Variants in PTER observed in about 807,000 individuals in gnomAD.
The protein encoded by PTER is N-acetyltaurine hydrolase.
Under a neutral mutation model 29.6 loss-of-function variants are expected in PTER, and 38 were observed. That is an observed-to-expected ratio of 1.28 (90% confidence interval 0.99 to 1.68). The LOEUF is 1.68. PTER is among the 40% of genes most tolerant of loss of function. PTER has a pLI of 0.00. For missense variants in PTER, 482 were observed against 427.8 expected (o/e 1.13, Z -1.12); for synonymous variants, 172 against 154.5 (o/e 1.11, Z -0.84).
At chr10:16,505,798 C>T (rs1479474105) in intron 4 of PTER, among the ~76,000 whole-genome samples, 1 of 152,086 alleles carries the variant, frequency 6.6e-6, no homozygotes, top group Non-Finnish European at 1.5e-5. Context: ...AGTTAGAATA[C>T]CTAGGAGGAG....
intron 4 of PTER, among the ~76,000 whole-genome samples, chr10:16,508,568 A>T (rs936160678): frequency 6.6e-6 from 1 of 152,130 alleles, no homozygotes; most frequent in Non-Finnish European, 1.5e-5. Context: ...CAGATGACCG[A>T]TGGCTCCCCC....
intron 1 of PTER, among the ~76,000 whole-genome samples, chr10:16,454,804 A>G (rs949995296): frequency 3.9e-5 from 6 of 151,968 alleles, no homozygotes; most frequent in Non-Finnish European, 8.8e-5. Flanking sequence ...AGAACAATAA[A>G]TACTAATATA....
chr10:16,451,962 G>A (rs1241935035), intron 1 of PTER, among the ~76,000 whole-genome samples: 1 of 152,034 alleles, frequency 6.6e-6, no homozygotes, highest in Non-Finnish European at 1.5e-5. Context: ...CTTCCAGAGT[G>A]TTGGCTATGC....
chr10:16,438,723 T>G (rs1833745122), intron 1 of PTER, among the ~76,000 whole-genome samples: 1 of 150,168 alleles, frequency 6.7e-6, no homozygotes, highest in Non-Finnish European at 1.5e-5. Context: ...AGGCCAGGAG[T>G]TCGAGACCAG....
At position 16,512,349 on chromosome 10, in the gene PTER, C is replaced by A. The variant is rs1836847105; in HGVS notation, c.*1093C>A. The A allele has an allele frequency of 6.6e-6, 1 of 152,090 alleles. No individual in the cohort carries two copies. The highest frequency in any genetic ancestry group is 2.4e-5 in the African/African-American group (1 of 41,430). 9.4% of individuals were successfully genotyped at this position (152,090 alleles called of 1,614,324 possible). A position where few individuals can be genotyped will look rare whatever the true frequency, so the allele number is the denominator to read the frequency against. ...TGAATCCTCACTATGCTATTTGGTA[C>A]CTAAAAATATTCTCCAAACCCTTGC... On this transcript the variant is annotated 3_prime_UTR_variant, in exon 5 of 5. Transcript: ENST00000535784.
chr10:16,517,694 G>T (rs1047166960), downstream of PTER, among the ~76,000 whole-genome samples: 3 of 151,996 alleles, frequency 2.0e-5, no homozygotes, highest in Non-Finnish European at 4.4e-5. Context: ...GTCATTTTAG[G>T]GATATGTTTC....
intron 1 of PTER, among the ~76,000 whole-genome samples, chr10:16,454,333 G>A (rs769933268): frequency 6.6e-6 from 1 of 152,108 alleles, no homozygotes. Context: ...CCAACACTTT[G>A]GGAGGCTGAG....
intron 3 of PTER, among the ~76,000 whole-genome samples, chr10:16,503,055 C>A: frequency 7.6e-6 from 1 of 131,090 alleles, no homozygotes; most frequent in Non-Finnish European, 1.6e-5. Flanking sequence ...TTCATGGACA[C>A]ATGATAGTGC....
chr10:16,491,108 T>C (rs1266565158), intron 3 of PTER, among the ~76,000 whole-genome samples: 1 of 152,088 alleles, frequency 6.6e-6, no homozygotes, highest in African/African-American at 2.4e-5. Context: ...AATGGAAAGG[T>C]TGACCTGACA....
At chr10:16,486,269 A>G (rs1263682234) in intron 2 of PTER, 83 bp from the exon 3 acceptor site, 1 of 1,336,108 alleles carries the variant, frequency 7.5e-7, no homozygotes, top group African/African-American at 1.5e-5. Flanking sequence ...GACAAAATAA[A>G]TAAATTCATT....
chr10:16,475,504 G>A (rs1835226790), intron 1 of PTER, among the ~76,000 whole-genome samples: 1 of 152,140 alleles, frequency 6.6e-6, no homozygotes, highest in African/African-American at 2.4e-5. Flanking sequence ...AGGCACAAAA[G>A]CAGAAGCTGC....
chr10:16,437,482 C>A (rs932259848), intron 1 of PTER: 3 of 151,968 alleles, frequency 2.0e-5, no homozygotes, highest in Non-Finnish European at 4.4e-5. Context: ...TGAGTAGCTG[C>A]GACTACAGGC....
intron 1 of PTER, among the ~76,000 whole-genome samples, chr10:16,457,255 C>G (rs1259947847): frequency 2.0e-5 from 3 of 152,106 alleles, no homozygotes; most frequent in Admixed American, 1.3e-4. Flanking sequence ...CTCTGTTGCC[C>G]AGGCTGGAGT....
chr10:16,442,468 TTTG>T (rs1833881528), intron 1 of PTER, among the ~76,000 whole-genome samples: 1 of 152,190 alleles, frequency 6.6e-6, no homozygotes, highest in African/African-American at 2.4e-5. Flanking sequence ...GCCATCAGAA[TTTG>T]TTTAAAAGTG....
intron 1 of PTER, among the ~76,000 whole-genome samples, chr10:16,464,446 A>G (rs1217839816): frequency 6.6e-6 from 1 of 152,166 alleles, no homozygotes; most frequent in Non-Finnish European, 1.5e-5. Flanking sequence ...AAGTTGGAGC[A>G]GGGGGGAAAA....
chr10:16,505,176 C>G lies in PTER; in HGVS notation c.839+16C>G. The stretch of plus-strand genomic sequence containing the variant: ...GAATTAGAAGGTAAATATGGTAAAG[C>G]CTCTCATAGCATTCCCTTTCCCTAG... On this transcript the variant is annotated intron_variant, in intron 4 of 4. Coordinates refer to ENST00000535784, the MANE Select transcript of PTER (RefSeq NM_001261836.2). The G allele has an allele frequency of 1.2e-6, 2 of 1,612,544 alleles. No homozygotes were observed. Among genetic ancestry groups the G allele is most frequent in the Non-Finnish European group, 1.7e-6 (2 of 1,179,134 alleles).
intron 1 of PTER, among the ~76,000 whole-genome samples, chr10:16,467,138 G>A (rs1243296505): frequency 6.6e-6 from 1 of 152,264 alleles, no homozygotes; most frequent in East Asian, 1.9e-4. Flanking sequence ...TCAGTTACCT[G>A]TAGTCAACCA....
At chr10:16,505,280 G>C (rs1836519697) in intron 4 of PTER, 120 bp downstream of exon 4, 2 of 1,255,194 alleles carry the variant, frequency 1.6e-6, no homozygotes, top group African/African-American at 3.0e-5. Flanking sequence ...CAGACTTGCA[G>C]AGAAAAATAT....
chr10:16,479,791 G>A (rs1210499556), intron 1 of PTER, among the ~76,000 whole-genome samples: 1 of 151,660 alleles, frequency 6.6e-6, no homozygotes, highest in African/African-American at 2.4e-5. Flanking sequence ...GGATAATAGC[G>A]ACATCCTATG....
Sources: gnomAD v4.1 joint callset for allele counts (sites outside exome capture counted in the v4.1 genomes callset) on GRCh38, gnomAD v4.1.1 for gene constraint, MANE v1.5 for transcripts, NCBI Gene and HGNC (gene_info 2026-07-23, HGNC 2026-07-21) for gene names.